The following PCDH11X variants were observed in gnomAD, a reference collection of about 807,000 sequenced individuals.
PCDH11X encodes the protein protocadherin 11 X-linked, also known as protocadherin-11 X-linked.
In PCDH11X, 18 loss-of-function variants were observed where a neutral mutation model predicts 53.3. That is an observed-to-expected ratio of 0.34 (90% confidence interval 0.23 to 0.50). The LOEUF is 0.50. PCDH11X is among the 20% of genes least tolerant of loss of function. PCDH11X has a pLI of 0.98. For synonymous variants in PCDH11X, 279 were observed against 393.3 expected (o/e 0.71, Z 3.44); for missense variants, 570 against 1,032.4 (o/e 0.55, Z 6.14).
chrX:92,297,519 T>C (rs1209537232), intron 8 of PCDH11X, among the ~76,000 whole-genome samples: 2 of 112,056 alleles, frequency 1.8e-5, no homozygotes, highest in African/African-American at 6.5e-5. Context: ...CTTGTTTTTG[T>C]ACCAGTTCCA....
intron 8 of PCDH11X, among the ~76,000 whole-genome samples, chrX:92,318,119 A>G (rs2069120520): frequency 9.0e-6 from 1 of 111,713 alleles, no homozygotes; most frequent in African/African-American, 3.2e-5. Flanking sequence ...AAGTCAAATC[A>G]AATTTGCACC....
intron 10 of PCDH11X, chrX:92,618,050 A>G (rs149942581): frequency 0.01 from 2,046 of 198,307 alleles, 40 homozygotes; most frequent in African/African-American, 0.06. Flanking sequence ...AAGGATGCCA[A>G]TTATGATAAT....
intron 7 of PCDH11X, among the ~76,000 whole-genome samples, chrX:92,236,517 T>C (rs1368966314): frequency 9.0e-6 from 1 of 111,344 alleles, no homozygotes; most frequent in Non-Finnish European, 1.9e-5. Flanking sequence ...TTTACCTTAC[T>C]GCCTTGATGC....
At chrX:91,952,496 C>T (rs1385915581) in intron 6 of PCDH11X, among the ~76,000 whole-genome samples, 2 of 111,250 alleles carry the variant, frequency 1.8e-5, no homozygotes, top group Non-Finnish European at 3.8e-5. Context: ...GAATGAATAA[C>T]TCTAGAATAT....
intron 8 of PCDH11X, among the ~76,000 whole-genome samples, chrX:92,283,894 TTGA>T (rs745729071): frequency 2.0e-4 from 22 of 111,963 alleles, no homozygotes; most frequent in African/African-American, 7.1e-4. Flanking sequence ...TTATTTTTTC[TTGA>T]TGAACTTTAA....
chrX:92,306,110 A>C (rs182402169), intron 8 of PCDH11X, among the ~76,000 whole-genome samples: 1,209 of 111,536 alleles, frequency 0.011, 7 homozygotes, highest in Non-Finnish European at 0.018. Context: ...TCAACGATAG[A>C]AGGAAAATCC....
intron 6 of PCDH11X, among the ~76,000 whole-genome samples, chrX:92,023,022 T>A (rs1217790276): frequency 9.1e-6 from 1 of 110,478 alleles, no homozygotes; most frequent in Non-Finnish European, 1.9e-5. Flanking sequence ...AAAGCAGTGT[T>A]AAGAGGGTAA....
At chrX:91,931,640 AAC>A (rs1438868476) in intron 6 of PCDH11X, among the ~76,000 whole-genome samples, 1 of 110,044 alleles carries the variant, frequency 9.1e-6, no homozygotes, top group Non-Finnish European at 1.9e-5. Flanking sequence ...GATAAAAAGA[AAC>A]ACAGTATTTT....
intron 10 of PCDH11X, among the ~76,000 whole-genome samples, chrX:92,508,221 TTG>T (rs1311651668): frequency 0.27 from 29,081 of 107,641 alleles, 3,518 homozygotes; most frequent in Non-Finnish European, 0.35. Flanking sequence ...TTGTTTTTTT[TTG>T]TTGTTTTTTT....
chrX:92,104,667 G>T (rs1269460335), intron 6 of PCDH11X, among the ~76,000 whole-genome samples: 7 of 110,750 alleles, frequency 6.3e-5, no homozygotes, highest in Admixed American at 5.8e-4. Context: ...GGCTAAGGGA[G>T]AAGAAGGAGG....
At chrX:92,407,204 TTGTA>T (rs777821581) in intron 9 of PCDH11X, among the ~76,000 whole-genome samples, 8 of 110,639 alleles carry the variant, frequency 7.2e-5, no homozygotes, top group Non-Finnish European at 1.5e-4. Flanking sequence ...TTGTAGTGTT[TTGTA>T]TGAACATTTC....
chrX:92,039,436 T>C (rs2063177072), intron 6 of PCDH11X, among the ~76,000 whole-genome samples: 1 of 110,899 alleles, frequency 9.0e-6, no homozygotes, highest in Non-Finnish European at 1.9e-5. Flanking sequence ...CAAGACAAAG[T>C]CCTTCTCCTC....
intron 10 of PCDH11X, among the ~76,000 whole-genome samples, chrX:92,494,906 A>G (rs1483392641): frequency 1.1e-5 from 1 of 92,734 alleles, no homozygotes; most frequent in East Asian, 3.4e-4. Context: ...CAAAAGTATC[A>G]CTACATTGGG....
intron 6 of PCDH11X, chrX:92,113,781 G>A (rs2064572708): frequency 9.2e-6 from 11 of 1,193,044 alleles, no homozygotes; most frequent in African/African-American, 2.1e-5. Flanking sequence ...GGTCCCTCAT[G>A]AACTTCTTGA....
intron 10 of PCDH11X, among the ~76,000 whole-genome samples, chrX:92,487,138 C>T (rs1300203435): frequency 1.0e-5 from 1 of 98,431 alleles, no homozygotes; most frequent in Non-Finnish European, 2.0e-5. Context: ...CTGCATCCTC[C>T]GCCTCCTGGA....
At chrX:91,872,607 A>C (rs1939386927) in intron 5 of PCDH11X, among the ~76,000 whole-genome samples, 1 of 108,577 alleles carries the variant, frequency 9.2e-6, no homozygotes, top group African/African-American at 3.3e-5. Flanking sequence ...ATACACATAG[A>C]GAGTTTGCCC....
At chrX:92,347,340 T>C in intron 8 of PCDH11X, among the ~76,000 whole-genome samples, 1 of 111,800 alleles carries the variant, frequency 8.9e-6, no homozygotes, top group Non-Finnish European at 1.9e-5. Flanking sequence ...TAATGAAATG[T>C]TTGATGTGAA....
intron 6 of PCDH11X, among the ~76,000 whole-genome samples, chrX:92,132,285 CAAAAAAAAAAAAAAAAAAAAA>C (rs778221916): frequency 2.3e-4 from 2 of 8,848 alleles, no homozygotes; most frequent in Non-Finnish European, 4.0e-4. Context: ...ACCTCTGTCT[CAAAAAAAAAAAAAAAAAAAAA>C]AAAAAAAAAA....
chrX:92,519,894 G>T (rs776840886), intron 10 of PCDH11X, among the ~76,000 whole-genome samples: 1 of 110,336 alleles, frequency 9.1e-6, no homozygotes, highest in Admixed American at 9.8e-5. Flanking sequence ...TATCTTTGGA[G>T]ATTTGAATTT....
Sources: allele counts gnomAD v4.1 joint callset (sites outside exome capture counted in the v4.1 genomes callset), GRCh38; gene constraint gnomAD v4.1.1; transcripts MANE v1.5; gene names NCBI Gene and HGNC (gene_info 2026-07-23, HGNC 2026-07-21).